ANKRD10: variants seen among roughly 807,000 people sequenced by gnomAD.
ANKRD10 encodes ankyrin repeat domain-containing protein 10.
ANKRD10 carries 14 observed loss-of-function variants against 27.0 expected under a neutral mutation model. The ratio of observed to expected loss-of-function variants is 0.52; its 90% confidence interval spans 0.34 to 0.81. The LOEUF (loss-of-function observed/expected upper bound fraction) is 0.81. ANKRD10 is among the 40% of genes least tolerant of loss of function. The pLI is 0.01. For missense variants in ANKRD10, 493 were observed against 544.0 expected (o/e 0.91, Z 0.93); for synonymous variants, 250 against 224.5 (o/e 1.11, Z -1.01).
rs1346232774 is a variant in ANKRD10 at position 110,878,957 on chromosome 13, C to A, written c.*680G>T. On this transcript the variant is annotated 3_prime_UTR_variant, in exon 6 of 6. Coordinates refer to ENST00000267339, the MANE Select transcript of ANKRD10 (RefSeq NM_017664.4). ...GAATCTGTTACATGTGGTAAAACTT[C>A]CAGAGACCAAGTAGGAAGTGTGGAA... 3 of 152,302 alleles carry A rather than the reference C, an allele frequency of 2.0e-5. No individual in the cohort carries two copies. The highest frequency in any genetic ancestry group is 7.2e-5 in the African/African-American group (3 of 41,430). 9.4% of individuals were successfully genotyped at this position (152,302 alleles called of 1,614,324 possible). A position where few individuals can be genotyped will look rare whatever the true frequency, so the allele number is the denominator to read the frequency against.
chr13:110,913,892 A>G (rs182203715), intron 1 of ANKRD10, among the ~76,000 whole-genome samples: 1 of 152,358 alleles, frequency 6.6e-6, no homozygotes, highest in Admixed American at 6.5e-5. Context: ...ACAGATGAGG[A>G]AACGGTAGCT....
intron 3 of ANKRD10, among the ~76,000 whole-genome samples, chr13:110,901,341 A>C (rs2065374903): frequency 1.3e-5 from 2 of 152,230 alleles, no homozygotes; most frequent in Non-Finnish European, 2.9e-5. Flanking sequence ...TTTCAAGTTT[A>C]AAGTTACTGA....
At chr13:110,891,443 G>A (rs956969781) in intron 4 of ANKRD10, among the ~76,000 whole-genome samples, 2 of 152,108 alleles carry the variant, frequency 1.3e-5, no homozygotes, top group African/African-American at 2.4e-5. Context: ...TTCCAGAAAT[G>A]CTTAACTCAT....
rs1009613614 is a variant in ANKRD10 at position 110,913,758 on chromosome 13, G to A, written c.210+967C>T. 2.0e-5 allele frequency among the ~76,000 whole-genome samples: 3 copies of A among 152,024 alleles called. No individual in the cohort carries two copies. The East Asian group carries it at 5.8e-4, about 29-fold the overall frequency. ...TTTAACCCCATCTCATCACTTACGA[G>A]AAAAACACTATACACATCCCTGAAT... On this transcript the variant is annotated intron_variant, in intron 1 of 5. Transcript: ENST00000267339.
intron 1 of ANKRD10, among the ~76,000 whole-genome samples, chr13:110,912,962 T>C (rs1261281155): frequency 2.6e-5 from 4 of 152,228 alleles, no homozygotes. Context: ...TGCTTCTTGT[T>C]ACAACATTTG....
chr13:110,906,475 A>C (rs1030885775), intron 2 of ANKRD10, among the ~76,000 whole-genome samples: 17 of 152,020 alleles, frequency 1.1e-4, no homozygotes, highest in Non-Finnish European at 2.1e-4. Context: ...CCAACCAACC[A>C]CACACACACA....
intron 4 of ANKRD10, among the ~76,000 whole-genome samples, chr13:110,889,539 T>C (rs749213664): frequency 5.3e-5 from 8 of 152,208 alleles, no homozygotes; most frequent in African/African-American, 1.7e-4. Flanking sequence ...ATTCAAGCAA[T>C]ACAAAAGGCC....
At chr13:110,890,562 C>G (rs2065047886) in intron 4 of ANKRD10, among the ~76,000 whole-genome samples, 1 of 152,134 alleles carries the variant, frequency 6.6e-6, no homozygotes, top group Admixed American at 6.5e-5. Flanking sequence ...GGTCAGTATA[C>G]AAATTAGGAA....
intron 1 of ANKRD10, chr13:110,911,685 A>T (rs561181251): frequency 6.6e-6 from 1 of 152,218 alleles, no homozygotes; most frequent in African/African-American, 2.4e-5. Flanking sequence ...AGGCTGAGAC[A>T]GGAGAATCAC....
At chr13:110,907,826 G>A (rs956780965) in intron 2 of ANKRD10, among the ~76,000 whole-genome samples, 6 of 151,816 alleles carry the variant, frequency 4.0e-5, no homozygotes, top group Admixed American at 1.3e-4. Context: ...ACATTCCCAG[G>A]AAAACTGGAG....
intron 4 of ANKRD10, among the ~76,000 whole-genome samples, chr13:110,887,836 G>A (rs1017309113): frequency 6.6e-6 from 1 of 152,156 alleles, no homozygotes; most frequent in Admixed American, 6.5e-5. Flanking sequence ...GACCCCTCCC[G>A]CCTGTGGCCT....
intron 3 of ANKRD10, chr13:110,893,971 CAA>C (rs1290129178): frequency 4.3e-5 from 26 of 609,864 alleles, no homozygotes; most frequent in South Asian, 2.8e-4. Context: ...TCACAAGAAC[CAA>C]AGTTTTACCT....
chr13:110,880,105 T>C lies in ANKRD10; in HGVS notation c.795A>G (p.Lys265=). The change falls in exon 6 of 6, where the codon AAA becomes AAG. Residue 265 remains lysine, a synonymous_variant. Transcript: ENST00000267339. ...DREFAVVTDM[K]NSSSVSNTLT... ...ATGTATTCGATACGGAGCTACTGTTTTTCATATCTGCATTAAGAAATACAC... is the reference window on the plus strand; with the variant it reads ...ATGTATTCGATACGGAGCTACTGTTCTTCATATCTGCATTAAGAAATACAC... 6.2e-7 allele frequency: 1 copy of C among 1,612,038 alleles called. No homozygotes were observed. The highest frequency in any genetic ancestry group is 1.1e-5 in the South Asian group (1 of 90,952).
intron 1 of ANKRD10, among the ~76,000 whole-genome samples, chr13:110,911,183 C>G (rs2065692661): frequency 6.6e-6 from 1 of 152,212 alleles, no homozygotes; most frequent in Non-Finnish European, 1.5e-5. Flanking sequence ...GGCGCAGTGG[C>G]TCATGCCTGT....
chr13:110,890,390 A>G (rs2065042993), intron 4 of ANKRD10, among the ~76,000 whole-genome samples: 1 of 152,196 alleles, frequency 6.6e-6, no homozygotes, highest in African/African-American at 2.4e-5. Context: ...TCCCATAGGG[A>G]AACGAGTGGT....
At chr13:110,889,796 T>C (rs1344148521) in intron 4 of ANKRD10, among the ~76,000 whole-genome samples, 1 of 152,216 alleles carries the variant, frequency 6.6e-6, no homozygotes, top group African/African-American at 2.4e-5. Context: ...GTAATTACTT[T>C]TGTAAATATA....
intron 4 of ANKRD10, among the ~76,000 whole-genome samples, chr13:110,890,952 C>T (rs2065057805): frequency 6.6e-6 from 1 of 152,154 alleles, no homozygotes; most frequent in Admixed American, 6.5e-5. Context: ...ACAAGGAATC[C>T]TCAGAAATGC....
At chr13:110,905,266 T>G (rs2065498560) in intron 3 of ANKRD10, 1 of 152,170 alleles carries the variant, frequency 6.6e-6, no homozygotes, top group Non-Finnish European at 1.5e-5. Context: ...ATATAAATTT[T>G]TAAGAAAAAG....
At chr13:110,888,274 G>A (rs1183578746) in intron 4 of ANKRD10, among the ~76,000 whole-genome samples, 2 of 151,254 alleles carry the variant, frequency 1.3e-5, no homozygotes, top group African/African-American at 4.9e-5. Flanking sequence ...ACTGTGCTGA[G>A]GACAACTCAG....
Sources: allele counts gnomAD v4.1 joint callset (sites outside exome capture counted in the v4.1 genomes callset), GRCh38; gene constraint gnomAD v4.1.1; transcripts MANE v1.5; gene names NCBI Gene and HGNC (gene_info 2026-07-23, HGNC 2026-07-21).